The following MAP3K9 variants were observed in gnomAD, a reference collection of about 807,000 sequenced individuals.
MAP3K9 encodes mitogen-activated protein kinase kinase kinase 9.
Under a neutral mutation model 95.8 loss-of-function variants are expected in MAP3K9, and 46 were observed. The ratio of observed to expected loss-of-function variants is 0.48; its 90% CI spans 0.38 to 0.61. The LOEUF (loss-of-function observed/expected upper bound fraction) is 0.61. Among genes scored for constraint, MAP3K9 ranks in the 20% least tolerant of loss-of-function variants. The pLI is 0.00. For missense variants in MAP3K9, 1,296 were observed against 1,474.3 expected, an observed-to-expected ratio of 0.88 and a Z score of 1.98; for synonymous variants, 533 against 593.8, an observed-to-expected ratio of 0.90 and a Z score of 1.49.
chr14:70,758,865 C>A (rs1337119407), intron 3 of MAP3K9, among the ~76,000 whole-genome samples: 1 of 151,986 alleles, frequency 6.6e-6, no homozygotes, highest in South Asian at 2.1e-4. Context: ...TGGGTTCAAG[C>A]GATTCTCCTG....
At position 70,725,169 on chromosome 14, in the gene MAP3K9, G is replaced by A. The variant is rs2053803417; in HGVS notation, c.*5211C>T. ...GGCCCAAAGCAGGCTCCCCGTAGGGGATGGGGAACCACAGACAGTAAGAAT... is the reference window on the plus strand; with the variant it reads ...GGCCCAAAGCAGGCTCCCCGTAGGGAATGGGGAACCACAGACAGTAAGAAT... On this transcript the variant is annotated 3_prime_UTR_variant, in exon 12 of 12. Coordinates refer to ENST00000554752, the MANE Select transcript of MAP3K9 (RefSeq NM_001284230.2). The A allele has an allele frequency of 6.6e-6, 1 of 152,344 alleles. No homozygotes were observed. Among genetic ancestry groups the A allele is most frequent in the South Asian group, 2.1e-4 (1 of 4,824 alleles). 9.4% of individuals were successfully genotyped at this position (152,344 alleles called of 1,614,324 possible). A position where few individuals can be genotyped will look rare whatever the true frequency, so the allele number is the denominator to read the frequency against.
intron 5 of MAP3K9, among the ~76,000 whole-genome samples, chr14:70,743,049 C>T (rs1026261898): frequency 1.9e-4 from 29 of 151,926 alleles, no homozygotes; most frequent in East Asian, 1.2e-3. Flanking sequence ...TGCAGCGGTG[C>T]GATCTCAGCC....
At chr14:70,762,943 G>A (rs1402391950) in intron 2 of MAP3K9, among the ~76,000 whole-genome samples, 1 of 152,186 alleles carries the variant, frequency 6.6e-6, no homozygotes, top group African/African-American at 2.4e-5. Flanking sequence ...TCTTTTGCAT[G>A]TGGCTATGCA....
intron 7 of MAP3K9, among the ~76,000 whole-genome samples, chr14:70,739,273 A>G (rs1413225323): frequency 6.6e-6 from 1 of 152,094 alleles, no homozygotes; most frequent in African/African-American, 2.4e-5. Context: ...CGGACTACAG[A>G]TGGGTGCCAC....
At chr14:70,763,880 T>C (rs1566748493) in intron 2 of MAP3K9, among the ~76,000 whole-genome samples, 1 of 151,574 alleles carries the variant, frequency 6.6e-6, no homozygotes, top group African/African-American at 2.4e-5. Context: ...TCCTTCTACT[T>C]ATGTAAAAAA....
chr14:70,734,564 TGGG>T (rs2053958699), intron 9 of MAP3K9, 66 bp from the exon 10 acceptor site: 5 of 871,180 alleles, frequency 5.7e-6, no homozygotes, highest in Non-Finnish European at 9.3e-6. Flanking sequence ...CTCAGCTCCA[TGGG>T]TCTATGGAGA....
At chr14:70,793,590 T>C (rs17108548) in intron 2 of MAP3K9, among the ~76,000 whole-genome samples, 21,550 of 152,182 alleles carry the variant, frequency 0.14, 2,005 homozygotes, top group East Asian at 0.3. Context: ...ATGACACCCA[T>C]GGGTAAGAGA....
Position 70,808,812 on chromosome 14 carries a change from G to A in MAP3K9, c.360C>T (p.Arg120=). ...TGGGGTCCTCGCCGCCGGGCTGGCAGCGGCTGGAGAAGGCGCTGCGCGGGG... is the reference window on the plus strand; with the variant it reads ...TGGGGTCCTCGCCGCCGGGCTGGCAACGGCTGGAGAAGGCGCTGCGCGGGG... ...YVTPRSAFSS[R]CQPGGEDPSC... The change falls in exon 1 of 12, where the codon CGC becomes CGT. Residue 120 remains arginine (R), a synonymous_variant. Coordinates refer to ENST00000554752, the MANE Select transcript of MAP3K9 (RefSeq NM_001284230.2). 4 of 1,594,858 alleles carry A rather than the reference G, an allele frequency of 2.5e-6. No individual in the cohort carries two copies. The highest frequency in any genetic ancestry group is 1.3e-5 in the African/African-American group (1 of 74,094).
At chr14:70,790,298 G>A (rs2054793040) in intron 2 of MAP3K9, among the ~76,000 whole-genome samples, 2 of 152,238 alleles carry the variant, frequency 1.3e-5, no homozygotes, top group South Asian at 2.1e-4. Context: ...GGGAACCTGA[G>A]CACATAGCAG....
At chr14:70,798,283 C>G (rs992448262) in intron 2 of MAP3K9, among the ~76,000 whole-genome samples, 1 of 152,168 alleles carries the variant, frequency 6.6e-6, no homozygotes, top group Non-Finnish European at 1.5e-5. Context: ...ACTTTTACAA[C>G]TTTGTTATCC....
chr14:70,803,113 T>A (rs550284623), intron 1 of MAP3K9, among the ~76,000 whole-genome samples: 1 of 151,996 alleles, frequency 6.6e-6, no homozygotes, highest in African/African-American at 2.4e-5. Flanking sequence ...TCCCACCACG[T>A]GACATGCCTG....
At position 70,742,555 on chromosome 14, in the gene MAP3K9, C is replaced by T; in HGVS notation, c.1363G>A (p.Ala455Thr). ...TCCTCCTGGTTCTTCTGCTGCAGTG[C>T]AGCCCGCGTCAGCTCCTCCTCCCAG... Reference protein sequence around the residue: ...RTWEEELTRAALQQKNQEELL... With the variant: ...RTWEEELTRATLQQKNQEELL... The change falls in exon 6 of 12, where the codon GCA (alanine) becomes ACA (threonine). Residue 455 changes from alanine to threonine, a missense_variant. Around this residue, in one of 5 missense-constraint regions of MAP3K9, gnomAD observed 377 missense variants for 417.1 expected, o/e 0.90. Coordinates refer to ENST00000554752, the MANE Select transcript of MAP3K9 (RefSeq NM_001284230.2). The T allele has an allele frequency of 1.2e-6, 2 of 1,614,188 alleles. No individual in the cohort carries two copies. The highest frequency in any genetic ancestry group is 1.7e-6 in the Non-Finnish European group (2 of 1,180,026).
At chr14:70,777,113 G>A (rs2054610027) in intron 2 of MAP3K9, among the ~76,000 whole-genome samples, 1 of 151,526 alleles carries the variant, frequency 6.6e-6, no homozygotes, top group Admixed American at 6.6e-5. Flanking sequence ...TTACAGGCGT[G>A]AGCCACCACA....
At chr14:70,765,761 CAAAAAAAA>C (rs11351891) in intron 2 of MAP3K9, among the ~76,000 whole-genome samples, 1 of 103,238 alleles carries the variant, frequency 9.7e-6, no homozygotes, top group Non-Finnish European at 2.2e-5. Context: ...CAAAAAAAAA[CAAAAAAAA>C]AAAAACAAAG....
At position 70,799,951 on chromosome 14, in the gene MAP3K9, C is replaced by T. The variant is rs183518338; in HGVS notation, c.820+716G>A. Among the ~76,000 whole-genome samples, 176 of 152,350 alleles carry T rather than the reference C, an allele frequency of 1.2e-3. 1 individual carries two copies. The highest frequency in any genetic ancestry group is 3.8e-3 in the African/African-American group (159 of 41,588). ...CCACAGAAAAGAAGCGTATTCCTAG[C>T]CCTGCTGAGTCAGCCAACGTGAAGG... On this transcript the variant is annotated intron_variant, in intron 2 of 11. Coordinates refer to ENST00000554752, the MANE Select transcript of MAP3K9 (RefSeq NM_001284230.2).
intron 5 of MAP3K9, among the ~76,000 whole-genome samples, chr14:70,747,337 G>A (rs1038398375): frequency 1.3e-5 from 2 of 152,158 alleles, no homozygotes; most frequent in African/African-American, 4.8e-5. Flanking sequence ...GGTTTTACAA[G>A]GGGCTTCTCC....
chr14:70,740,672 T>C (rs545712992), intron 6 of MAP3K9, among the ~76,000 whole-genome samples: 1 of 152,270 alleles, frequency 6.6e-6, no homozygotes, highest in Admixed American at 6.5e-5. Flanking sequence ...ATGGCTCCAA[T>C]TCGGACACAT....
intron 6 of MAP3K9, among the ~76,000 whole-genome samples, chr14:70,741,117 T>C (rs1019982502): frequency 6.6e-6 from 1 of 151,732 alleles, no homozygotes; most frequent in African/African-American, 2.4e-5. Flanking sequence ...TGAGATGGAG[T>C]TTCACTCTTG....
At chr14:70,783,094 CAT>C in intron 2 of MAP3K9, 1 of 179,590 alleles carries the variant, frequency 5.6e-6, no homozygotes, top group Non-Finnish European at 1.1e-5. Flanking sequence ...CCTGGAAGGT[CAT>C]TATCCCAGTC....
Sources: allele counts gnomAD v4.1 joint callset (sites outside exome capture counted in the v4.1 genomes callset), GRCh38; gene constraint gnomAD v4.1.1; regional missense constraint gnomAD v4.1.1; transcripts MANE v1.5; gene names NCBI Gene and HGNC (gene_info 2026-07-23, HGNC 2026-07-21).